The following PDE11A variants were observed in gnomAD, a reference collection of about 807,000 sequenced individuals.
The protein encoded by PDE11A is dual 3',5'-cyclic-AMP and -GMP phosphodiesterase 11A.
Under a neutral mutation model 100.5 loss-of-function variants are expected in PDE11A, and 100 were observed. The ratio of observed to expected loss-of-function variants is 1.00; its 90% CI spans 0.85 to 1.18. PDE11A has a LOEUF of 1.18. Ranked by LOEUF, PDE11A falls within the 50% of genes most tolerant of loss-of-function variation. The pLI, the probability that PDE11A is intolerant of heterozygous loss-of-function variation, is 0.00. For synonymous variants in PDE11A, 381 were observed against 420.8 expected, an observed-to-expected ratio of 0.91 and a Z score of 1.16; for missense variants, 1,141 against 1,152.6, an observed-to-expected ratio of 0.99 and a Z score of 0.15.
rs551537568 is a variant in PDE11A at position 177,887,450 on chromosome 2, G to A, written c.1302+10608C>T. Reference sequence around the variant, plus strand: ...TTAGGAAACGTCGGCTGGACAAGCCGTTAAAAAAGAAAAAAAAAAAAGATT... The same window carrying A: ...TTAGGAAACGTCGGCTGGACAAGCCATTAAAAAAGAAAAAAAAAAAAGATT... On this transcript the variant is annotated intron_variant, in intron 4 of 19. Coordinates refer to ENST00000286063, the MANE Select transcript of PDE11A (RefSeq NM_016953.4). 2.4e-4 allele frequency among the ~76,000 whole-genome samples: 12 copies of A among 50,076 alleles called. No homozygotes were observed. In the East Asian group the frequency reaches 3.7e-3, roughly 15 times the overall value. The allele number at this position is 50,076 out of a possible 152,430, so 32.9% of individuals were successfully genotyped here. A position where few individuals can be genotyped will look rare whatever the true frequency, so the allele number is the denominator to read the frequency against.
At chr2:178,008,583 T>A (rs16865999) in intron 2 of PDE11A, among the ~76,000 whole-genome samples, 2,236 of 152,266 alleles carry the variant, frequency 0.015, 42 homozygotes, top group East Asian at 0.091. Context: ...GACATCTCAA[T>A]AATCTTAAAC....
intron 9 of PDE11A, among the ~76,000 whole-genome samples, chr2:177,773,014 T>C (rs935676634): frequency 6.6e-6 from 1 of 152,152 alleles, no homozygotes; most frequent in Admixed American, 6.6e-5. Context: ...TTGCTATCGT[T>C]TCACATATTA....
intron 5 of PDE11A, among the ~76,000 whole-genome samples, chr2:177,866,709 T>C (rs2084035792): frequency 6.6e-6 from 1 of 152,218 alleles, no homozygotes. Flanking sequence ...ACTAAACAGA[T>C]GTATAAAAGA....
intron 9 of PDE11A, among the ~76,000 whole-genome samples, chr2:177,779,691 A>G (rs1420332322): frequency 1.3e-5 from 2 of 152,174 alleles, no homozygotes; most frequent in African/African-American, 4.8e-5. Flanking sequence ...TTGTAATTCT[A>G]GTTCTCTTGC....
intron 18 of PDE11A, among the ~76,000 whole-genome samples, chr2:177,668,187 C>T (rs2080617906): frequency 6.6e-6 from 1 of 152,182 alleles, no homozygotes; most frequent in South Asian, 2.1e-4. Flanking sequence ...CTCCTTAGTG[C>T]TGCGCTACTG....
chr2:178,089,697 G>A (rs1184967021), intron 2 of PDE11A, among the ~76,000 whole-genome samples: 1 of 152,208 alleles, frequency 6.6e-6, no homozygotes, highest in Non-Finnish European at 1.5e-5. Context: ...CTGGTCAAAC[G>A]ATCTTTGTTA....
rs2079836205 is a variant in PDE11A at position 177,626,543 on chromosome 2, C to T, written c.*2864G>A. On this transcript the variant is annotated 3_prime_UTR_variant, in exon 20 of 20. Transcript: ENST00000286063. ...CTGACTCCACCCACCCTTTGTTCCC[C>T]ACCTGAAGGAGGAGAGACAGCCCTG... 6.5e-6 allele frequency: 1 copy of T among 152,704 alleles called. No individual in the cohort carries two copies. The highest frequency in any genetic ancestry group is 6.5e-5 in the Admixed American group (1 of 15,286). The allele number at this position is 152,704 out of a possible 1,614,324, so 9.5% of individuals were successfully genotyped here. A position where few individuals can be genotyped will look rare whatever the true frequency, so the allele number is the denominator to read the frequency against.
chr2:177,647,242 C>T (rs1165512122), intron 19 of PDE11A, among the ~76,000 whole-genome samples: 3 of 152,116 alleles, frequency 2.0e-5, no homozygotes, highest in Admixed American at 2.0e-4. Flanking sequence ...TCACTTAAAA[C>T]TTTTAGTTTG....
chr2:177,829,214 G>A (rs1273248628), intron 6 of PDE11A, among the ~76,000 whole-genome samples: 1 of 151,978 alleles, frequency 6.6e-6, no homozygotes, highest in African/African-American at 2.4e-5. Flanking sequence ...GGAGACTGTG[G>A]CCTGTGCTTT....
chr2:177,653,839 A>G (rs2080343999), intron 19 of PDE11A, among the ~76,000 whole-genome samples: 1 of 152,194 alleles, frequency 6.6e-6, no homozygotes, highest in African/African-American at 2.4e-5. Context: ...ACTTTGTTAC[A>G]GCAGCCCTCG....
At chr2:177,752,865 A>G (rs367798078) in intron 10 of PDE11A, among the ~76,000 whole-genome samples, 1 of 152,244 alleles carries the variant, frequency 6.6e-6, no homozygotes, top group East Asian at 1.9e-4. Context: ...AGTCTGCAGA[A>G]TTAACATGCA....
chr2:177,847,100 T>C (rs936731387), intron 5 of PDE11A, among the ~76,000 whole-genome samples: 2 of 152,174 alleles, frequency 1.3e-5, no homozygotes, highest in Admixed American at 1.3e-4. Context: ...TCTTGTGGCA[T>C]GCCTTCCTTA....
intron 10 of PDE11A, among the ~76,000 whole-genome samples, chr2:177,766,520 A>C (rs891725179): frequency 6.6e-6 from 1 of 152,236 alleles, no homozygotes; most frequent in Non-Finnish European, 1.5e-5. Flanking sequence ...GAAGAATGAC[A>C]ATACACTTGA....
chr2:177,748,990 T>C (rs563219074), intron 10 of PDE11A, among the ~76,000 whole-genome samples: 41 of 152,330 alleles, frequency 2.7e-4, no homozygotes, highest in African/African-American at 8.4e-4. Context: ...AATATAAAAA[T>C]AGCTTTTACC....
At chr2:177,790,280 C>A (rs1397357586) in intron 9 of PDE11A, among the ~76,000 whole-genome samples, 12 of 151,050 alleles carry the variant, frequency 7.9e-5, no homozygotes, top group Non-Finnish European at 1.0e-4. Flanking sequence ...GAAAAACAAG[C>A]AATGGGGAAA....
intron 2 of PDE11A, among the ~76,000 whole-genome samples, chr2:177,995,646 A>ACCAC (rs1559036118): frequency 6.8e-6 from 1 of 147,704 alleles, no homozygotes; most frequent in African/African-American, 2.5e-5. Context: ...CACAAACACC[A>ACCAC]CCCACCCCGC....
intron 5 of PDE11A, among the ~76,000 whole-genome samples, chr2:177,845,645 C>A (rs913532232): frequency 6.6e-6 from 1 of 151,964 alleles, no homozygotes; most frequent in Non-Finnish European, 1.5e-5. Flanking sequence ...CGGGCAGAGG[C>A]TGCAATCTCG....
intron 5 of PDE11A, among the ~76,000 whole-genome samples, chr2:177,867,464 T>C (rs766799452): frequency 6.6e-6 from 1 of 152,178 alleles, no homozygotes; most frequent in Non-Finnish European, 1.5e-5. Flanking sequence ...GTGAGGTGGC[T>C]GACGCCTGTA....
chr2:177,741,592 C>G (rs1201286796), intron 10 of PDE11A, among the ~76,000 whole-genome samples: 1 of 152,156 alleles, frequency 6.6e-6, no homozygotes, highest in African/African-American at 2.4e-5. Context: ...GTCCTGATTA[C>G]AATTTTAGTT....
Sources: allele counts gnomAD v4.1 joint callset (sites outside exome capture counted in the v4.1 genomes callset), GRCh38; gene constraint gnomAD v4.1.1; transcripts MANE v1.5; gene names NCBI Gene and HGNC (gene_info 2026-07-23, HGNC 2026-07-21).